CLASP1: variants seen among roughly 807,000 people sequenced by gnomAD.
CLASP1 encodes the protein CLIP-associating protein 1.
CLASP1 carries 38 observed loss-of-function variants against 192.3 expected under a neutral mutation model. The ratio of observed to expected loss-of-function variants is 0.20; its 90% CI spans 0.15 to 0.26. The LOEUF (loss-of-function observed/expected upper bound fraction) is 0.26. CLASP1 is among the 10% of genes least tolerant of loss of function. The pLI, the probability that CLASP1 is intolerant of heterozygous loss-of-function variation, is 1.00. For synonymous variants in CLASP1, 691 were observed against 712.8 expected (o/e 0.97, Z 0.49); for missense variants, 1,433 against 1,932.5 (o/e 0.74, Z 4.85).
rs1005976599 is a variant in CLASP1 at position 121,368,289 on chromosome 2, T to C, written c.3643-458A>G. On this transcript the variant is annotated intron_variant, in intron 34 of 39. Coordinates refer to ENST00000263710, the Ensembl canonical transcript of CLASP1. ...GTCATCCATCCCCAGATTAATTCCT[T>C]GTACTATATGTATTCCTGCCTAGTG... Among the ~76,000 whole-genome samples the C allele has an allele frequency of 3.2e-4, 48 of 152,154 alleles. 1 individual carries two copies. Among genetic ancestry groups the C allele is most frequent in the African/African-American group, 1.2e-3 (48 of 41,430 alleles).
chr2:121,474,474 C>T (rs1262037305), intron 8 of CLASP1, among the ~76,000 whole-genome samples: 3 of 152,168 alleles, frequency 2.0e-5, no homozygotes, highest in Non-Finnish European at 4.4e-5. Context: ...AGGTGGCTCA[C>T]GCCTGTAATC....
chr2:121,382,249 G>C (rs374526869), exon 33 of CLASP1: 1 of 1,608,914 alleles, frequency 6.2e-7, no homozygotes, highest in Non-Finnish European at 8.5e-7. Context: ...GGGAGGGAGC[G>C]GTGGGGATGG....
chr2:121,583,310 T>C (rs1200719187), intron 2 of CLASP1, among the ~76,000 whole-genome samples: 2 of 152,208 alleles, frequency 1.3e-5, no homozygotes, highest in African/African-American at 2.4e-5. Flanking sequence ...AAGTTATACC[T>C]ATTAGCCAGA....
In CLASP1 at chr2:121,638,677, T is replaced by A. The variant is rs533449496; in HGVS notation, c.-286+10695A>T. Among the ~76,000 whole-genome samples, 147 of 152,022 alleles carry A rather than the reference T, an allele frequency of 9.7e-4. 1 individual carries two copies. Among genetic ancestry groups the A allele is most frequent in the African/African-American group, 3.0e-3 (125 of 41,512 alleles). On this transcript the variant is annotated intron_variant, in intron 1 of 39. Coordinates refer to ENST00000263710, the Ensembl canonical transcript of CLASP1. ...AGAATGGTGTTCTTTTTTATTTTTTTTTTTTTTGAGACAGAGTTTTGCTCT... is the reference window on the plus strand; with the variant it reads ...AGAATGGTGTTCTTTTTTATTTTTTATTTTTTTGAGACAGAGTTTTGCTCT...
chr2:121,612,404 A>G (rs2065764516), intron 1 of CLASP1, among the ~76,000 whole-genome samples: 1 of 151,542 alleles, frequency 6.6e-6, no homozygotes, highest in Non-Finnish European at 1.5e-5. Flanking sequence ...GAGGAGTTGG[A>G]GGAGGAGGAT....
chr2:121,422,177 A>G (rs1196273147), intron 22 of CLASP1, among the ~76,000 whole-genome samples: 1 of 152,186 alleles, frequency 6.6e-6, no homozygotes, highest in African/African-American at 2.4e-5. Context: ...TGACTTTTAC[A>G]TCTTAAGGAA....
chr2:121,439,762 T>G lies in CLASP1; in HGVS notation c.1912+7575A>C, dbSNP rs530570546. Among the ~76,000 whole-genome samples the G allele has an allele frequency of 1.3e-4, 20 of 151,386 alleles. No homozygotes were observed. In the South Asian group the frequency reaches 4.2e-3, roughly 32 times the overall value. The stretch of plus-strand genomic sequence containing the variant: ...TGGAATACTATGCAGCCATAAAAAA[T>G]GATGAGTTCATGTCCTTTGTAGGGA... On this transcript the variant is annotated intron_variant, in intron 19 of 39. Transcript: ENST00000263710.
intron 1 of CLASP1, among the ~76,000 whole-genome samples, chr2:121,624,063 G>C (rs1427327584): frequency 2.0e-5 from 3 of 151,870 alleles, no homozygotes; most frequent in African/African-American, 7.3e-5. Flanking sequence ...CAAGGTTTGT[G>C]CATTTTGTTG....
chr2:121,471,143 T>C (rs2149981584), intron 8 of CLASP1, among the ~76,000 whole-genome samples: 1 of 152,248 alleles, frequency 6.6e-6, no homozygotes, highest in East Asian at 1.9e-4. Context: ...GTGTCAGATA[T>C]GGCGGCGTGT....
rs376312272 is a variant in CLASP1, at chr2:121,521,468, G to A, written c.546+4377C>T. Among the ~76,000 whole-genome samples the A allele has an allele frequency of 1.5e-4, 23 of 152,294 alleles. No individual in the cohort carries two copies. In the South Asian group the frequency reaches 4.4e-3, roughly 29 times the overall value. ...TAGGAGGCAATGCACACAGGCTGAG[G>A]TGCCCAAGACTCCGGCTCCGAGCTA... is the stretch of plus-strand genomic sequence containing the variant. On this transcript the variant is annotated intron_variant, in intron 6 of 39. Transcript: ENST00000263710.
At chr2:121,540,785 CAA>C (rs796543798) in intron 2 of CLASP1, among the ~76,000 whole-genome samples, 19 of 85,286 alleles carry the variant, frequency 2.2e-4, no homozygotes, top group Non-Finnish European at 2.5e-4. Context: ...AGACTCCATC[CAA>C]AAAAAAAAAA....
chr2:121,371,396 T>G (rs576660844), intron 34 of CLASP1, among the ~76,000 whole-genome samples: 7 of 151,946 alleles, frequency 4.6e-5, no homozygotes, highest in African/African-American at 1.7e-4. Context: ...CACATCTAGA[T>G]AAATTAAATT....
intron 35 of CLASP1, among the ~76,000 whole-genome samples, chr2:121,366,410 AC>A (rs1294826189): frequency 2.0e-5 from 3 of 152,208 alleles, no homozygotes; most frequent in Non-Finnish European, 4.4e-5. Context: ...TTTAATCCCT[AC>A]AGCCATTTCT....
intron 25 of CLASP1, 130 bp downstream of exon 26, chr2:121,407,341 C>T (rs2077072663): frequency 9.6e-7 from 1 of 1,043,202 alleles, no homozygotes. Flanking sequence ...CCTGTTCCTG[C>T]AAGCAGACCT....
At chr2:121,463,835 CTATTT>C (rs957517169) in intron 9 of CLASP1, among the ~76,000 whole-genome samples, 6 of 151,856 alleles carry the variant, frequency 4.0e-5, no homozygotes, top group African/African-American at 9.7e-5. Flanking sequence ...TAGTAATTTT[CTATTT>C]TATTTTATTT....
In CLASP1 at chr2:121,493,626, C is replaced by T. The variant is rs1345499281; in HGVS notation, c.712+9541G>A. 2.6e-5 allele frequency among the ~76,000 whole-genome samples: 4 copies of T among 151,896 alleles called. No individual in the cohort carries two copies. The South Asian group carries it at 6.2e-4, about 24-fold the overall frequency. On this transcript the variant is annotated intron_variant, in intron 8 of 39. Transcript: ENST00000263710. ...GTAACACCCCACAAGTATGGGCAAC[C>T]AAAGCAAACAATCAACAAAGTGTAA...
chr2:121,621,838 T>C (rs2067408132), intron 1 of CLASP1, among the ~76,000 whole-genome samples: 2 of 152,094 alleles, frequency 1.3e-5, no homozygotes, highest in Admixed American at 1.3e-4. Context: ...GGCAACTGGG[T>C]TTTTTTGTTG....
chr2:121,479,055 C>A (rs1575292592), intron 8 of CLASP1, among the ~76,000 whole-genome samples: 1 of 94,066 alleles, frequency 1.1e-5, no homozygotes, highest in Non-Finnish European at 2.3e-5. Context: ...ACACCCCCCC[C>A]CCACACACAC....
chr2:121,612,527 A>G (rs964319261), intron 1 of CLASP1, among the ~76,000 whole-genome samples: 1 of 151,776 alleles, frequency 6.6e-6, no homozygotes, highest in Admixed American at 6.6e-5. Context: ...GGGAGTTGGA[A>G]GAGAAGGAGA....
Sources: gnomAD v4.1 joint callset for allele counts (sites outside exome capture counted in the v4.1 genomes callset) on GRCh38, gnomAD v4.1.1 for gene constraint, MANE v1.5 for transcripts, NCBI Gene and HGNC (gene_info 2026-07-23, HGNC 2026-07-21) for gene names.